Variants in KLK5 observed in about 807,000 individuals in gnomAD.
The protein encoded by KLK5 is kallikrein-5.
In KLK5, 18 loss-of-function variants were observed where a neutral mutation model predicts 24.0. That is an observed-to-expected ratio of 0.75 (90% confidence interval 0.52 to 1.11). KLK5 has a LOEUF of 1.11. Among genes scored for constraint, KLK5 ranks in the 50% most tolerant of loss-of-function variants. KLK5 has a pLI of 0.00. For missense variants in KLK5, 374 were observed against 379.2 expected (o/e 0.99, Z 0.11); for synonymous variants, 140 against 154.0 (o/e 0.91, Z 0.67).
intron 5 of KLK5, among the ~76,000 whole-genome samples, chr19:50,946,599 G>C (rs549319262): frequency 3.4e-5 from 5 of 149,144 alleles, no homozygotes; most frequent in African/African-American, 1.2e-4. Context: ...TCACTGTGTT[G>C]CCCAGGCTGG....
In KLK5 at chr19:50,943,518, G is replaced by A. The variant is rs753107705; in HGVS notation, c.*113C>T. Reference sequence around the variant, plus strand: ...GAGTCCAGGAGACATGGGGTCAGGGGCTGGAGAGATGAACATTCTCAACAT... The same window carrying A: ...GAGTCCAGGAGACATGGGGTCAGGGACTGGAGAGATGAACATTCTCAACAT... On this transcript the variant is annotated 3_prime_UTR_variant, in exon 6 of 6. Transcript: ENST00000336334. 10 of 1,027,738 alleles carry A rather than the reference G, an allele frequency of 9.7e-6. No homozygotes were observed. Among genetic ancestry groups the A allele is most frequent in the Non-Finnish European group, 1.5e-5 (10 of 674,048 alleles). 63.7% of individuals were successfully genotyped at this position (1,027,738 alleles called of 1,614,324 possible). A position where few individuals can be genotyped will look rare whatever the true frequency, so the allele number is the denominator to read the frequency against.
At position 50,952,578 on chromosome 19, in the gene KLK5, T is replaced by C; in HGVS notation, c.73+7A>G. 2 of 1,595,304 alleles carry C rather than the reference T, an allele frequency of 1.3e-6. No homozygotes were observed. Among genetic ancestry groups the C allele is most frequent in the Non-Finnish European group, 1.7e-6 (2 of 1,168,370 alleles). On this transcript the variant is annotated splice_region_variant and intron_variant, in intron 2 of 5. Transcript: ENST00000336334. ...CCACAACCCTCCCACCCCAGAGTTC[T>C]GGTTACCTGTGACCCCCAGAAGCAA...
intron 5 of KLK5, among the ~76,000 whole-genome samples, chr19:50,948,299 T>G (rs565095933): frequency 6.6e-6 from 1 of 152,288 alleles, no homozygotes; most frequent in African/African-American, 2.4e-5. Context: ...TTTTTGTATT[T>G]TTTTTTAGAG....
intron 5 of KLK5, among the ~76,000 whole-genome samples, chr19:50,945,334 T>C (rs1600069111): frequency 6.6e-6 from 1 of 151,234 alleles, no homozygotes; most frequent in South Asian, 2.1e-4. Flanking sequence ...TGTCTTCCAC[T>C]TGGGGAACAT....
chr19:50,947,049 A>G lies in KLK5; in HGVS notation c.726+1591T>C, dbSNP rs922565119. 1.3e-5 allele frequency among the ~76,000 whole-genome samples: 2 copies of G among 152,100 alleles called. No individual in the cohort carries two copies. Among genetic ancestry groups the G allele is most frequent in the Non-Finnish European group, 2.9e-5 (2 of 68,014 alleles). On this transcript the variant is annotated intron_variant, in intron 5 of 5. Coordinates refer to ENST00000336334, the MANE Select transcript of KLK5 (RefSeq NM_012427.5). This position sits in a 1 kb window ranked among gnomAD's most constrained non-coding sequence, Gnocchi z 8.7. Reference sequence around the variant, plus strand: ...CCAGCTTCCTAACTACTGTTGAAACACACACCCTGCTAATGAGAGCTTGTT... The same window carrying G: ...CCAGCTTCCTAACTACTGTTGAAACGCACACCCTGCTAATGAGAGCTTGTT...
intron 5 of KLK5, among the ~76,000 whole-genome samples, chr19:50,946,806 G>A (rs901371703): frequency 6.6e-6 from 1 of 152,024 alleles, no homozygotes; most frequent in East Asian, 1.9e-4. Flanking sequence ...TGATCCACCC[G>A]CCTCGGCCTC....
At chr19:50,944,572 C>A (rs1056957699) in intron 5 of KLK5, among the ~76,000 whole-genome samples, 1 of 152,138 alleles carries the variant, frequency 6.6e-6, no homozygotes, top group African/African-American at 2.4e-5. Context: ...CCAACCCATC[C>A]TTATACCTCC....
At chr19:50,945,275 A>AT (rs10586385) in intron 5 of KLK5, among the ~76,000 whole-genome samples, 103 of 146,878 alleles carry the variant, frequency 7.0e-4, no homozygotes, top group African/African-American at 7.5e-4. Flanking sequence ...CACCCGGCTA[A>AT]TTTTTTTTTT....
In KLK5 at chr19:50,952,641, G is replaced by C; in HGVS notation, c.17C>G (p.Pro6Arg). The change falls in exon 2 of 6, where the codon CCC becomes CGC. Residue 6 changes from proline (P) to arginine (R), a missense_variant. Physicochemically the swap from Pro to Arg is moderately radical, Grantham distance 103. Transcript: ENST00000336334. The part of the protein sequence containing the change: MATAR[P>R]PWMWVLCALI... ...AGCACAGAGCACCCACATCCAGGGG[G>C]GTCTTGCTGTAGCCATGGCCGCTGC... 1 of 1,601,400 alleles carries C rather than the reference G, an allele frequency of 6.2e-7. No individual in the cohort carries two copies. The highest frequency in any genetic ancestry group is 8.5e-7 in the Non-Finnish European group (1 of 1,173,980).
At position 50,950,116 on chromosome 19, in the gene KLK5, T is replaced by C. The variant is rs940390464; in HGVS notation, c.74A>G (p.Glu25Gly). The C allele has an allele frequency of 5.6e-6, 9 of 1,597,282 alleles. No individual in the cohort carries two copies. The highest frequency in any genetic ancestry group is 7.7e-6 in the Non-Finnish European group (9 of 1,167,218). ...LITALLLGVT[E>G]HVLANNDVSC... Reference sequence around the variant, plus strand: ...AACATCATTGTTGGCGAGAACATGCTCTGGGAACGGAAAATGGGTTGGGCG... The same window carrying C: ...AACATCATTGTTGGCGAGAACATGCCCTGGGAACGGAAAATGGGTTGGGCG... The change falls in exon 3 of 6, where the codon GAG becomes GGG. Residue 25 changes from glutamate (E) to glycine (G), a missense_variant and splice_region_variant. Glu to Gly is a moderately conservative substitution (Grantham distance 98). Coordinates refer to ENST00000336334, the MANE Select transcript of KLK5 (RefSeq NM_012427.5).
intron 2 of KLK5, chr19:50,950,338 C>T: frequency 1.7e-6 from 1 of 588,426 alleles, no homozygotes; most frequent in East Asian, 2.8e-5. Flanking sequence ...CTGGACCTCA[C>T]AGATTCCTGG....
At chr19:50,949,810 C>CCCA in intron 3 of KLK5, 45 bp downstream of exon 3, 1 of 1,323,916 alleles carries the variant, frequency 7.6e-7, no homozygotes, top group Non-Finnish European at 1.0e-6. Context: ...CCCCCACCCC[C>CCCA]ACTTCCCCGT....
intron 5 of KLK5, 148 bp downstream of exon 5, chr19:50,948,492 T>A: frequency 1.4e-6 from 1 of 729,178 alleles, no homozygotes; most frequent in African/African-American, 1.8e-5. Context: ...TTATTTCTAC[T>A]AAACACCACT....
At chr19:50,944,978 CTTTCTTTCTT>C (rs2090618058) in intron 5 of KLK5, among the ~76,000 whole-genome samples, 3 of 150,598 alleles carry the variant, frequency 2.0e-5, no homozygotes, top group South Asian at 2.1e-4. Context: ...TTTCTTCTTT[CTTTCTTTCTT>C]TTTCTTTCTT....
intron 5 of KLK5, among the ~76,000 whole-genome samples, 165 bp downstream of exon 5, chr19:50,948,475 C>T (rs1449601288): frequency 5.9e-5 from 9 of 152,140 alleles, no homozygotes; most frequent in Admixed American, 3.9e-4. Context: ...ACATAAGCAG[C>T]TCAGCATTAT....
At chr19:50,945,692 G>A (rs964890863) in intron 5 of KLK5, among the ~76,000 whole-genome samples, 2 of 151,714 alleles carry the variant, frequency 1.3e-5, no homozygotes, top group Non-Finnish European at 2.9e-5. Flanking sequence ...TTGGGAGGCT[G>A]AGGTGGAAGA....
Position 50,943,774 on chromosome 19 carries a change from C to T in KLK5, c.739G>A (p.Gly247Arg), listed in dbSNP as rs1225963559. 3 of 1,612,486 alleles carry T rather than the reference C, an allele frequency of 1.9e-6. No individual in the cohort carries two copies. Among genetic ancestry groups the T allele is most frequent in the Non-Finnish European group, 2.5e-6 (3 of 1,179,026 alleles). Residue 247 changes from glycine (G) to arginine (R), a missense_variant, in exon 6 of 6, where the codon GGG (glycine) becomes AGG (arginine). By Grantham distance (125) the Gly-to-Arg change is moderately radical. Transcript: ENST00000336334. Reference sequence around the variant, plus strand: ...AGGGAGCCATTGCAGACCACAGGCCCCCCAGAATCACCCTGCAGGAGAGAA... The same window carrying T: ...AGGGAGCCATTGCAGACCACAGGCCTCCCAGAATCACCCTGCAGGAGAGAA... ...GRDSCQGDSG[G>R]PVVCNGSLQG...
At chr19:50,945,701 G>A (rs2090625767) in intron 5 of KLK5, among the ~76,000 whole-genome samples, 1 of 151,728 alleles carries the variant, frequency 6.6e-6, no homozygotes, top group Non-Finnish European at 1.5e-5. Context: ...TGAGGTGGAA[G>A]AAATGCTTGA....
At chr19:50,949,711 C>A in intron 3 of KLK5, 144 bp downstream of exon 3, 1 of 649,738 alleles carries the variant, frequency 1.5e-6, no homozygotes, top group Non-Finnish European at 2.4e-6. Flanking sequence ...CCCATCCCCA[C>A]CAACCCTCAC....
Sources: gnomAD v4.1 joint callset for allele counts (sites outside exome capture counted in the v4.1 genomes callset) on GRCh38, gnomAD v4.1.1 for gene constraint, Gnocchi (gnomAD v3.1) non-coding constraint, MANE v1.5 for transcripts, NCBI Gene and HGNC (gene_info 2026-07-23, HGNC 2026-07-21) for gene names.